LRRC4C: variants seen among roughly 807,000 people sequenced by gnomAD.
The protein encoded by LRRC4C is leucine rich repeat containing 4C.
In LRRC4C, 5 loss-of-function variants were observed where a neutral mutation model predicts 33.6. That is an observed-to-expected ratio of 0.15 (90% CI 0.08 to 0.31). LRRC4C has a LOEUF of 0.31. Among genes scored for constraint, LRRC4C ranks in the 10% least tolerant of loss-of-function variants. The pLI, the probability that LRRC4C is intolerant of heterozygous loss-of-function variation, is 1.00. For synonymous variants in LRRC4C, 329 were observed against 302.0 expected, an observed-to-expected ratio of 1.09 and a Z score of -0.93; for missense variants, 560 against 796.7, an observed-to-expected ratio of 0.70 and a Z score of 3.58.
At chr11:40,552,227 G>T (rs956113567) in intron 3 of LRRC4C, among the ~76,000 whole-genome samples, 4 of 152,074 alleles carry the variant, frequency 2.6e-5, no homozygotes, top group Admixed American at 1.3e-4. Flanking sequence ...ACTACTACAG[G>T]GCTCAAACAT....
chr11:41,380,810 TA>T (rs1391300902), intron 1 of LRRC4C, among the ~76,000 whole-genome samples: 3 of 152,058 alleles, frequency 2.0e-5, no homozygotes, highest in Non-Finnish European at 4.4e-5. Context: ...AGTCCAATAG[TA>T]GTCTGTCTGT....
intron 3 of LRRC4C, among the ~76,000 whole-genome samples, chr11:40,486,957 T>A (rs1953892731): frequency 6.6e-6 from 1 of 152,038 alleles, no homozygotes; most frequent in Non-Finnish European, 1.5e-5. Context: ...CTTTTTTGTA[T>A]TAGAAACTGG....
At chr11:41,347,249 G>C (rs72894586) in intron 1 of LRRC4C, among the ~76,000 whole-genome samples, 5 of 152,280 alleles carry the variant, frequency 3.3e-5, no homozygotes, top group Non-Finnish European at 5.9e-5. Flanking sequence ...ATAATGAATA[G>C]ATTTTTAAAA....
At chr11:40,197,307 A>G (rs117075940) in intron 5 of LRRC4C, among the ~76,000 whole-genome samples, 3,903 of 152,282 alleles carry the variant, frequency 0.026, 77 homozygotes, top group Middle Eastern at 0.088. Context: ...GGAGTTTATA[A>G]TTAATCAGAC....
chr11:40,399,647 A>G (rs1949684173), intron 3 of LRRC4C, among the ~76,000 whole-genome samples: 1 of 152,058 alleles, frequency 6.6e-6, no homozygotes, highest in African/African-American at 2.4e-5. Flanking sequence ...ACTAACCTGC[A>G]CATTGTGCAC....
intron 3 of LRRC4C, among the ~76,000 whole-genome samples, chr11:40,618,667 C>T (rs1444153146): frequency 1.3e-5 from 2 of 151,682 alleles, no homozygotes; most frequent in African/African-American, 4.8e-5. Context: ...CATGAGCCTG[C>T]CATGCTATCG....
intron 3 of LRRC4C, among the ~76,000 whole-genome samples, chr11:40,553,401 CAGG>C (rs1419432690): frequency 1.3e-5 from 2 of 152,134 alleles, no homozygotes; most frequent in East Asian, 3.9e-4. Flanking sequence ...ACCTCATATC[CAGG>C]AGAATTTAAA....
chr11:40,653,838 C>T (rs2136166933), intron 2 of LRRC4C, among the ~76,000 whole-genome samples: 1 of 152,254 alleles, frequency 6.6e-6, no homozygotes, highest in Non-Finnish European at 1.5e-5. Context: ...GGCCAAGAAG[C>T]CTAGAAGAAA....
At position 40,898,218 on chromosome 11, in the gene LRRC4C, G is replaced by C. The variant is rs369612411; in HGVS notation, c.-407+35417C>G. On this transcript the variant is annotated intron_variant, in intron 2 of 6. Coordinates refer to ENST00000528697, the MANE Select transcript of LRRC4C (RefSeq NM_001258419.2). ...AAAAATACAAAATTAGCCAGGCGTA[G>C]TGATGTATGCCTGTAATCCCAGCTA... is the stretch of plus-strand genomic sequence containing the variant. Among the ~76,000 whole-genome samples, 83 of 151,880 alleles carry C rather than the reference G, an allele frequency of 5.5e-4. 3 individuals carry two copies. The South Asian group carries it at 0.017, about 31-fold the overall frequency.
intron 5 of LRRC4C, among the ~76,000 whole-genome samples, chr11:40,214,127 G>A (rs1054504080): frequency 1.3e-5 from 2 of 152,158 alleles, no homozygotes; most frequent in Admixed American, 6.5e-5. Flanking sequence ...TACCTGCCAT[G>A]TTAGCTTCTG....
intron 2 of LRRC4C, among the ~76,000 whole-genome samples, chr11:40,713,062 T>C (rs1016770133): frequency 6.6e-6 from 1 of 151,498 alleles, no homozygotes; most frequent in African/African-American, 2.4e-5. Context: ...CTAATTTTTT[T>C]TTTTTTTTTT....
In LRRC4C at chr11:40,747,520, AC is replaced by A. The variant is rs1052179182; in HGVS notation, c.-406-99243del. ...TTAAAAAGAAAGAAAATATGATGTC[AC>A]CACCGAAGGAGCGTGATAATTCTCC... On this transcript the variant is annotated intron_variant, in intron 2 of 6. Coordinates refer to ENST00000528697, the MANE Select transcript of LRRC4C (RefSeq NM_001258419.2). 6.6e-4 allele frequency among the ~76,000 whole-genome samples: 100 copies of A among 152,280 alleles called. 1 individual carries two copies. The highest frequency in any genetic ancestry group is 2.0e-3 in the African/African-American group (85 of 41,574).
At chr11:41,231,698 G>T (rs1012268103) in intron 1 of LRRC4C, among the ~76,000 whole-genome samples, 1 of 151,772 alleles carries the variant, frequency 6.6e-6, no homozygotes, top group Non-Finnish European at 1.5e-5. Flanking sequence ...ACACCAACAT[G>T]GCACGTGTAT....
At chr11:40,394,848 T>C (rs1349973121) in intron 3 of LRRC4C, among the ~76,000 whole-genome samples, 1 of 152,212 alleles carries the variant, frequency 6.6e-6, no homozygotes, top group Non-Finnish European at 1.5e-5. Context: ...TACATGAAAC[T>C]ACGATTTTCA....
intron 6 of LRRC4C, among the ~76,000 whole-genome samples, chr11:40,138,658 G>T (rs911719158): frequency 1.3e-5 from 2 of 152,230 alleles, no homozygotes; most frequent in African/African-American, 2.4e-5. Flanking sequence ...AGTGAATTTT[G>T]TAGGGTTAAC....
rs925387505 is a variant in LRRC4C, at chr11:40,618,013, G to A, written c.-270+30129C>T. ...TCCTTCTTGCCCTGCATCTGAAAAA[G>A]TTAGTAATAAAACCTGTGATTTCCC... On this transcript the variant is annotated intron_variant, in intron 3 of 6. Transcript: ENST00000528697. Among the ~76,000 whole-genome samples, 12 of 151,726 alleles carry A rather than the reference G, an allele frequency of 7.9e-5. No individual in the cohort carries two copies. The Middle Eastern group carries it at 0.01, about 129-fold the overall frequency.
chr11:40,660,917 G>A (rs1382926516), intron 2 of LRRC4C, among the ~76,000 whole-genome samples: 1 of 152,140 alleles, frequency 6.6e-6, no homozygotes, highest in Non-Finnish European at 1.5e-5. Context: ...TTTAATAGAG[G>A]ATCATGAGAT....
At chr11:40,394,327 A>G (rs1276054035) in intron 3 of LRRC4C, among the ~76,000 whole-genome samples, 2 of 152,162 alleles carry the variant, frequency 1.3e-5, no homozygotes, top group African/African-American at 2.4e-5. Context: ...TTTTCCTTCT[A>G]AAAATAACAG....
chr11:41,343,010 C>G (rs954630636), intron 1 of LRRC4C, among the ~76,000 whole-genome samples: 6 of 152,204 alleles, frequency 3.9e-5, no homozygotes, highest in African/African-American at 1.4e-4. Flanking sequence ...CAGTCTCTAC[C>G]TTTGTCTTCA....
Sources: allele counts gnomAD v4.1 joint callset (sites outside exome capture counted in the v4.1 genomes callset), GRCh38; gene constraint gnomAD v4.1.1; transcripts MANE v1.5; gene names NCBI Gene and HGNC (gene_info 2026-07-23, HGNC 2026-07-21).